ITGA2: variants seen among roughly 807,000 people sequenced by gnomAD.
ITGA2 encodes integrin alpha-2.
ITGA2 carries 101 observed loss-of-function variants against 146.3 expected under a neutral mutation model. The observed-to-expected ratio is 0.69, with a 90% CI of 0.59 to 0.81. The LOEUF (loss-of-function observed/expected upper bound fraction) is 0.81. Ranked by LOEUF, ITGA2 falls within the 40% of genes least tolerant of loss-of-function variation. The pLI is 0.00. For missense variants in ITGA2, 1,281 were observed against 1,402.7 expected, an observed-to-expected ratio of 0.91 and a Z score of 1.39; for synonymous variants, 477 against 487.1, an observed-to-expected ratio of 0.98 and a Z score of 0.27.
At chr5:53,047,621 C>T (rs3212477) in intron 4 of ITGA2, among the ~76,000 whole-genome samples, 5,922 of 152,200 alleles carry the variant, frequency 0.039, 159 homozygotes, top group East Asian at 0.074. Context: ...TTTGCCCTCT[C>T]GACTCTCTTT....
chr5:53,069,818 A>C (rs954387217), intron 16 of ITGA2, among the ~76,000 whole-genome samples: 3 of 151,842 alleles, frequency 2.0e-5, no homozygotes, highest in African/African-American at 7.3e-5. Flanking sequence ...CAATTTGCCC[A>C]GGTTCATCAC....
At chr5:53,066,830 T>G (rs1472831146) in intron 15 of ITGA2, among the ~76,000 whole-genome samples, 2 of 151,928 alleles carry the variant, frequency 1.3e-5, no homozygotes, top group Admixed American at 1.3e-4. Context: ...TTAAAATCAT[T>G]TCAGAGTAGC....
intron 21 of ITGA2, among the ~76,000 whole-genome samples, chr5:53,074,846 T>C (rs1745585748): frequency 6.6e-6 from 1 of 151,954 alleles, no homozygotes; most frequent in Non-Finnish European, 1.5e-5. Context: ...ATAACTTACA[T>C]GTGTCACTTG....
At chr5:53,072,592 A>C (rs1745449547) in intron 18 of ITGA2, 21 bp from the exon 19 acceptor site, 1 of 1,592,168 alleles carries the variant, frequency 6.3e-7, no homozygotes, top group African/African-American at 1.3e-5. Context: ...AAATGTATGG[A>C]TCTTTTTTCC....
intron 8 of ITGA2, 53 bp downstream of exon 8, chr5:53,055,741 T>C: frequency 6.3e-7 from 1 of 1,594,998 alleles, no homozygotes; most frequent in Non-Finnish European, 8.6e-7. Context: ...AATCTTTCTT[T>C]ATAGCATCAC....
intron 2 of ITGA2, among the ~76,000 whole-genome samples, chr5:53,035,366 A>G (rs760643481): frequency 4.6e-5 from 7 of 152,178 alleles, no homozygotes; most frequent in Non-Finnish European, 8.8e-5. Context: ...GCCAAAGCCA[A>G]TTTCTGGAAT....
intron 28 of ITGA2, among the ~76,000 whole-genome samples, chr5:53,087,950 G>C (rs1468399747): frequency 6.6e-6 from 1 of 152,184 alleles, no homozygotes; most frequent in South Asian, 2.1e-4. Flanking sequence ...CCATGCCTGA[G>C]AGTGAAGCTC....
At chr5:53,064,839 C>G (rs569722019) in intron 13 of ITGA2, 73 bp from the exon 14 acceptor site, 1 of 1,449,752 alleles carries the variant, frequency 6.9e-7, no homozygotes, top group African/African-American at 1.4e-5. Context: ...GCCACCACAC[C>G]CAGCTGCTCT....
chr5:53,057,402 C>G (rs1034752818), intron 9 of ITGA2, among the ~76,000 whole-genome samples: 1 of 152,024 alleles, frequency 6.6e-6, no homozygotes, highest in South Asian at 2.1e-4. Context: ...TTTGATCACA[C>G]TGTATGGAAA....
chr5:53,060,349 T>C (rs1012577243), intron 11 of ITGA2, among the ~76,000 whole-genome samples: 7 of 151,970 alleles, frequency 4.6e-5, no homozygotes, highest in East Asian at 3.9e-4. Context: ...CTTGTTCTTA[T>C]AATAAGCAGC....
At chr5:53,033,939 A>G (rs1055961938) in intron 2 of ITGA2, among the ~76,000 whole-genome samples, 2 of 151,812 alleles carry the variant, frequency 1.3e-5, no homozygotes, top group Non-Finnish European at 2.9e-5. Flanking sequence ...AATTTTTTAT[A>G]TTTTTAGTAG....
rs1001418120 is a variant in ITGA2, at chr5:53,091,079, G to A, written c.*480G>A. The stretch of plus-strand genomic sequence containing the variant: ...TTAATGAATATTGATGTTAACAAGA[G>A]GGGAAAACAAAACACAGGTTTTTTC... On this transcript the variant is annotated 3_prime_UTR_variant, in exon 30 of 30. Coordinates refer to ENST00000296585, the MANE Select transcript of ITGA2 (RefSeq NM_002203.4). 2 of 236,436 alleles carry A rather than the reference G, an allele frequency of 8.5e-6. No individual in the cohort carries two copies. Among genetic ancestry groups the A allele is most frequent in the African/African-American group, 4.6e-5 (2 of 43,786 alleles). The allele number at this position is 236,436 out of a possible 1,614,324, so 14.6% of individuals were successfully genotyped here.
intron 12 of ITGA2, among the ~76,000 whole-genome samples, chr5:53,062,544 G>C (rs963468560): frequency 4.0e-5 from 6 of 151,740 alleles, no homozygotes; most frequent in Admixed American, 1.3e-4. Flanking sequence ...TGGGTCTCAG[G>C]GATCTGTATT....
chr5:53,085,256 T>C (rs1027527536), intron 27 of ITGA2, among the ~76,000 whole-genome samples: 3 of 152,252 alleles, frequency 2.0e-5, no homozygotes. Flanking sequence ...CAACTTAACA[T>C]TTCAAGTAAT....
intron 6 of ITGA2, among the ~76,000 whole-genome samples, chr5:53,049,963 C>CT (rs766169960): frequency 6.6e-6 from 1 of 152,150 alleles, no homozygotes; most frequent in Non-Finnish European, 1.5e-5. Flanking sequence ...ATTGAAATTG[C>CT]TTTTCAGTAC....
intron 1 of ITGA2, among the ~76,000 whole-genome samples, chr5:53,012,050 A>G (rs566171192): frequency 1.6e-4 from 25 of 152,310 alleles, no homozygotes; most frequent in African/African-American, 5.3e-4. Context: ...GGTTATTTAT[A>G]TGTAAAATAT....
intron 1 of ITGA2, among the ~76,000 whole-genome samples, chr5:52,996,075 G>A (rs1741231853): frequency 1.3e-5 from 2 of 152,200 alleles, no homozygotes; most frequent in African/African-American, 4.8e-5. Context: ...GGCCAGAGGA[G>A]TAATGGAAGA....
At chr5:53,077,953 C>T (rs1561149685) in intron 23 of ITGA2, among the ~76,000 whole-genome samples, 1 of 151,994 alleles carries the variant, frequency 6.6e-6, no homozygotes, top group Non-Finnish European at 1.5e-5. Flanking sequence ...ACTGCTCATC[C>T]CCTAATCCCC....
intron 7 of ITGA2, among the ~76,000 whole-genome samples, chr5:53,055,182 A>T (rs1181188823): frequency 6.6e-6 from 1 of 152,102 alleles, no homozygotes; most frequent in Non-Finnish European, 1.5e-5. Flanking sequence ...AGTAAACACA[A>T]GACTAATGCA....
Sources: allele counts gnomAD v4.1 joint callset (sites outside exome capture counted in the v4.1 genomes callset), GRCh38; gene constraint gnomAD v4.1.1; transcripts MANE v1.5; gene names NCBI Gene and HGNC (gene_info 2026-07-23, HGNC 2026-07-21).